Variants in DNER observed in about 807,000 individuals in gnomAD.
The protein encoded by DNER is delta and Notch-like epidermal growth factor-related receptor.
DNER carries 33 observed loss-of-function variants against 78.2 expected under a neutral mutation model. The ratio of observed to expected loss-of-function variants is 0.42; its 90% confidence interval spans 0.32 to 0.56. DNER has a LOEUF of 0.56. Ranked by LOEUF, DNER falls within the 20% of genes least tolerant of loss-of-function variation. The pLI is 0.11. For missense variants in DNER, 918 were observed against 975.3 expected (o/e 0.94, Z 0.78); for synonymous variants, 417 against 384.8 (o/e 1.08, Z -0.98).
intron 1 of DNER, among the ~76,000 whole-genome samples, chr2:229,607,119 C>T (rs1024131881): frequency 6.6e-6 from 1 of 152,154 alleles, no homozygotes; most frequent in Non-Finnish European, 1.5e-5. Flanking sequence ...AAAACCTTTT[C>T]CACTCCTGCA....
At chr2:229,508,336 C>A (rs112333177) in intron 6 of DNER, among the ~76,000 whole-genome samples, 218 of 152,256 alleles carry the variant, frequency 1.4e-3, no homozygotes, top group African/African-American at 5.0e-3. Flanking sequence ...TTAAAAACCT[C>A]CAGCACATAC....
rs1460420612 is a variant in DNER at position 229,512,768 on chromosome 2, G to A, written c.1147+15C>T. ...GACATACACCTAATAACTGAACCAT[G>A]AGTATGTGTCGTACCAGGAAGGCAA... On this transcript the variant is annotated intron_variant, in intron 6 of 12. Coordinates refer to ENST00000341772, the MANE Select transcript of DNER (RefSeq NM_139072.4). The A allele has an allele frequency of 6.2e-7, 1 of 1,613,788 alleles. No individual in the cohort carries two copies. The highest frequency in any genetic ancestry group is 2.2e-5 in the East Asian group (1 of 44,888).
At chr2:229,379,643 C>A (rs1240447076) in intron 11 of DNER, among the ~76,000 whole-genome samples, 1 of 152,102 alleles carries the variant, frequency 6.6e-6, no homozygotes, top group African/African-American at 2.4e-5. Flanking sequence ...TATTACTCTG[C>A]CCTAAAGGCA....
At chr2:229,477,395 T>C (rs1417790415) in intron 6 of DNER, 142 bp from the exon 7 acceptor site, 8 of 535,078 alleles carry the variant, frequency 1.5e-5, no homozygotes, top group Non-Finnish European at 2.6e-5. Flanking sequence ...AGATCTCATT[T>C]ATTTTTACAA....
At chr2:229,577,248 G>A (rs1454853038) in intron 4 of DNER, among the ~76,000 whole-genome samples, 1 of 152,202 alleles carries the variant, frequency 6.6e-6, no homozygotes, top group Non-Finnish European at 1.5e-5. Flanking sequence ...AGCTAATAAA[G>A]TACTGCAGGC....
intron 4 of DNER, among the ~76,000 whole-genome samples, chr2:229,575,541 T>C (rs375076986): frequency 9.9e-5 from 15 of 152,184 alleles, no homozygotes; most frequent in South Asian, 2.1e-4. Flanking sequence ...ACCAGGTCCA[T>C]TGGGGGGACC....
intron 1 of DNER, among the ~76,000 whole-genome samples, chr2:229,603,070 G>T (rs1697862647): frequency 6.6e-6 from 1 of 152,126 alleles, no homozygotes; most frequent in African/African-American, 2.4e-5. Flanking sequence ...ATCACACAGG[G>T]ACACTTGACT....
At chr2:229,503,856 T>C (rs138287848) in intron 6 of DNER, among the ~76,000 whole-genome samples, 17,119 of 151,626 alleles carry the variant, frequency 0.11, 1,994 homozygotes, top group African/African-American at 0.29. Flanking sequence ...ATCCTCCCAC[T>C]TCAGCCTCCT....
chr2:229,560,735 C>A (rs572070794), intron 4 of DNER, among the ~76,000 whole-genome samples: 2 of 152,234 alleles, frequency 1.3e-5, no homozygotes, highest in South Asian at 2.1e-4. Flanking sequence ...TTGCTCGATG[C>A]TGAGAGCAAA....
chr2:229,601,050 A>G (rs1697817146), intron 1 of DNER, among the ~76,000 whole-genome samples: 9 of 152,216 alleles, frequency 5.9e-5, no homozygotes, highest in Admixed American at 5.9e-4. Flanking sequence ...GTGATGTTGG[A>G]CAAGGCAAGA....
chr2:229,517,128 G>GA (rs1177179759), intron 5 of DNER, among the ~76,000 whole-genome samples: 1 of 141,766 alleles, frequency 7.1e-6, no homozygotes, highest in Non-Finnish European at 1.5e-5. Context: ...AAAAAAAAAA[G>GA]AAAAAAAATT....
At chr2:229,401,428 T>C (rs1693263844) in intron 10 of DNER, among the ~76,000 whole-genome samples, 1 of 152,034 alleles carries the variant, frequency 6.6e-6, no homozygotes, top group Admixed American at 6.6e-5. Context: ...CAATCCAGAT[T>C]CCTTTCAACA....
At chr2:229,495,483 G>A (rs1005781363) in intron 6 of DNER, among the ~76,000 whole-genome samples, 2 of 152,096 alleles carry the variant, frequency 1.3e-5, no homozygotes, top group African/African-American at 2.4e-5. Flanking sequence ...TAGCAGGCTC[G>A]AGACCCAAGA....
intron 7 of DNER, among the ~76,000 whole-genome samples, chr2:229,460,017 C>T (rs759413302): frequency 1.3e-5 from 2 of 151,624 alleles, no homozygotes; most frequent in South Asian, 2.1e-4. Context: ...ATTAGCTGGG[C>T]GTGGTGGGGG....
chr2:229,411,760 C>T (rs1015804979), intron 9 of DNER, among the ~76,000 whole-genome samples: 2 of 152,044 alleles, frequency 1.3e-5, no homozygotes, highest in Non-Finnish European at 2.9e-5. Context: ...ATTACAAAGC[C>T]ATTTAAAATA....
At chr2:229,465,913 C>T (rs1181384647) in intron 7 of DNER, among the ~76,000 whole-genome samples, 5 of 152,154 alleles carry the variant, frequency 3.3e-5, no homozygotes, top group East Asian at 1.9e-4. Flanking sequence ...TAAAACTTGT[C>T]GAAAACTGGT....
rs909640810 is a variant in DNER at position 229,575,034 on chromosome 2, T to A, written c.847+10824A>T. Among the ~76,000 whole-genome samples the A allele has an allele frequency of 2.6e-5, 4 of 152,206 alleles. No individual in the cohort carries two copies. The South Asian group carries it at 8.3e-4, about 31-fold the overall frequency. ...TCCACAGACAAGATTTCGGTTAAAA[T>A]TCATTATTATTAAGGGATAAAGTAT... On this transcript the variant is annotated intron_variant, in intron 4 of 12. Transcript: ENST00000341772.
chr2:229,673,758 C>T (rs925275289), intron 1 of DNER, among the ~76,000 whole-genome samples: 2 of 152,220 alleles, frequency 1.3e-5, no homozygotes, highest in Admixed American at 6.5e-5. Flanking sequence ...AAGGTGTACA[C>T]AAACTCACAG....
At chr2:229,378,791 A>G (rs566183816) in intron 11 of DNER, among the ~76,000 whole-genome samples, 24 of 152,168 alleles carry the variant, frequency 1.6e-4, no homozygotes, top group Non-Finnish European at 5.9e-5. Context: ...GAGGCCTCTT[A>G]CAGCTTCCCT....
Sources: allele counts gnomAD v4.1 joint callset (sites outside exome capture counted in the v4.1 genomes callset), GRCh38; gene constraint gnomAD v4.1.1; transcripts MANE v1.5; gene names NCBI Gene and HGNC (gene_info 2026-07-23, HGNC 2026-07-21).